ADARB2: variants seen among roughly 807,000 people sequenced by gnomAD.
ADARB2 encodes the protein adenosine deaminase RNA specific B2 (inactive).
ADARB2 carries 25 observed loss-of-function variants against 62.2 expected under a neutral mutation model. The ratio of observed to expected loss-of-function variants is 0.40; its 90% CI spans 0.29 to 0.56. The LOEUF (loss-of-function observed/expected upper bound fraction) is 0.56, where lower values mean the gene tolerates loss of function less well. Among genes scored for constraint, ADARB2 ranks in the 20% least tolerant of loss-of-function variants. The pLI is 0.43. For synonymous variants in ADARB2, 572 were observed against 500.8 expected (o/e 1.14, Z -1.90); for missense variants, 1,071 against 1,077.4 (o/e 0.99, Z 0.08).
At chr10:1,233,319 C>T (rs1179487889) in intron 6 of ADARB2, among the ~76,000 whole-genome samples, 1 of 152,170 alleles carries the variant, frequency 6.6e-6, no homozygotes. Context: ...TTTTTTCCTC[C>T]CCAACGCTGT....
chr10:1,241,783 G>T (rs943191562), intron 5 of ADARB2, among the ~76,000 whole-genome samples: 2 of 152,216 alleles, frequency 1.3e-5, no homozygotes, highest in African/African-American at 4.8e-5. Flanking sequence ...CACGTTCTCT[G>T]AGGGCAACGG....
chr10:1,554,811 C>T lies in ADARB2; in HGVS notation c.101-175651G>A, dbSNP rs529521656. Among the ~76,000 whole-genome samples, 102 of 152,134 alleles carry T rather than the reference C, an allele frequency of 6.7e-4. 2 individuals carry two copies. The South Asian group carries it at 0.018, about 26-fold the overall frequency. ...GTTGTTACCGGGGTATACTGTGTGA[C>T]GCTGAGGTTTGGGATATGAACGATC... On this transcript the variant is annotated intron_variant, in intron 1 of 9. Transcript: ENST00000381312.
At chr10:1,404,988 C>T (rs528372527) in intron 1 of ADARB2, among the ~76,000 whole-genome samples, 14 of 152,312 alleles carry the variant, frequency 9.2e-5, no homozygotes, top group African/African-American at 2.9e-4. Context: ...AATCTCAGGT[C>T]GATGCCTCCT....
intron 1 of ADARB2, among the ~76,000 whole-genome samples, chr10:1,464,415 G>A (rs1332647762): frequency 1.6e-5 from 2 of 127,582 alleles, no homozygotes; most frequent in East Asian, 2.5e-4. Context: ...CCCCACACAC[G>A]CGCGGGGGCC....
At chr10:1,596,311 A>G (rs1004244474) in intron 1 of ADARB2, among the ~76,000 whole-genome samples, 1 of 152,244 alleles carries the variant, frequency 6.6e-6, no homozygotes, top group African/African-American at 2.4e-5. Context: ...GGAAAAACCA[A>G]CAAGTTTATC....
intron 1 of ADARB2, among the ~76,000 whole-genome samples, chr10:1,446,356 C>T (rs993937766): frequency 1.3e-5 from 2 of 152,226 alleles, no homozygotes; most frequent in African/African-American, 4.8e-5. Flanking sequence ...AAAAATAGCA[C>T]CCCAGCTTTC....
At chr10:1,522,278 A>G (rs1003457751) in intron 1 of ADARB2, among the ~76,000 whole-genome samples, 4 of 152,198 alleles carry the variant, frequency 2.6e-5, no homozygotes, top group Admixed American at 1.3e-4. Flanking sequence ...AACCAGATAG[A>G]CAGGGATCAG....
At chr10:1,530,559 G>A (rs1428555382) in intron 1 of ADARB2, among the ~76,000 whole-genome samples, 3 of 152,194 alleles carry the variant, frequency 2.0e-5, no homozygotes, top group South Asian at 2.1e-4. Flanking sequence ...CTCTTCATGC[G>A]GAGCCTGAGT....
intron 1 of ADARB2, among the ~76,000 whole-genome samples, chr10:1,452,074 C>A (rs1246831642): frequency 1.3e-5 from 2 of 152,172 alleles, no homozygotes; most frequent in Non-Finnish European, 2.9e-5. Flanking sequence ...CTGCCATGCA[C>A]CCCTGCTGGT....
At chr10:1,666,881 A>C (rs139437496) in intron 1 of ADARB2, among the ~76,000 whole-genome samples, 192 of 152,356 alleles carry the variant, frequency 1.3e-3, no homozygotes, top group African/African-American at 4.4e-3. Context: ...AAGTTGACCA[A>C]GGGTTTTGTA....
At chr10:1,700,527 G>A (rs1354108324) in intron 1 of ADARB2, among the ~76,000 whole-genome samples, 1 of 2,076 alleles carries the variant, frequency 4.8e-4, no homozygotes, top group African/African-American at 5.4e-4. Flanking sequence ...CCACTCCACC[G>A]GGAGACCAGG....
chr10:1,467,202 T>A (rs190120263), intron 1 of ADARB2, among the ~76,000 whole-genome samples: 5 of 152,220 alleles, frequency 3.3e-5, no homozygotes, highest in African/African-American at 1.2e-4. Context: ...TCTTTAATAC[T>A]GTAACTGCTC....
At chr10:1,274,358 A>G (rs1831293729) in intron 3 of ADARB2, among the ~76,000 whole-genome samples, 1 of 152,250 alleles carries the variant, frequency 6.6e-6, no homozygotes, top group African/African-American at 2.4e-5. Context: ...ATTCAAGGAC[A>G]AAACTACATC....
At chr10:1,518,371 C>T (rs537113261) in intron 1 of ADARB2, among the ~76,000 whole-genome samples, 55 of 152,298 alleles carry the variant, frequency 3.6e-4, no homozygotes, top group Non-Finnish European at 7.6e-4. Context: ...TTTCCCTTCA[C>T]AACTGTACCT....
In ADARB2 at chr10:1,183,242, G is replaced by C. The variant is rs766466120; in HGVS notation, c.2171C>G (p.Thr724Ser). Reference protein sequence around the residue: ...FKAFQKAGLGTWVRKPPEQQQ... With the variant: ...FKAFQKAGLGSWVRKPPEQQQ... ...CTGCTCCGGTGGTTTCCTCACCCAG[G>C]TGCCCAGGCCAGCCTTCTGAAAGGC... The change falls in exon 10 of 10, where the codon ACC (threonine) becomes AGC (serine). Residue 724 changes from threonine to serine, a missense_variant. Thr to Ser is a moderately conservative substitution (Grantham distance 58). Coordinates refer to ENST00000381312, the MANE Select transcript of ADARB2 (RefSeq NM_018702.4). The C allele has an allele frequency of 6.2e-7, 1 of 1,613,992 alleles. No individual in the cohort carries two copies.
In ADARB2 at chr10:1,713,937, C is replaced by T. The variant is rs1032913681; in HGVS notation, c.100+23114G>A. 2.0e-5 allele frequency among the ~76,000 whole-genome samples: 3 copies of T among 152,184 alleles called. 1 individual carries two copies. Among genetic ancestry groups the T allele is most frequent in the South Asian group, 4.1e-4 (2 of 4,828 alleles). Reference sequence around the variant, plus strand: ...CCTGGGGACCCAGTGGTCTACTGAACGTGCTTCCTGGAGCTCTGAGGGCAA... The same window carrying T: ...CCTGGGGACCCAGTGGTCTACTGAATGTGCTTCCTGGAGCTCTGAGGGCAA... On this transcript the variant is annotated intron_variant, in intron 1 of 9. Coordinates refer to ENST00000381312, the MANE Select transcript of ADARB2 (RefSeq NM_018702.4).
Position 1,576,472 on chromosome 10 carries a change from C to T in ADARB2, c.100+160579G>A, listed in dbSNP as rs117391837. 8.0e-3 allele frequency among the ~76,000 whole-genome samples: 1,225 copies of T among 152,260 alleles called. 15 individuals carry two copies. The highest frequency in any genetic ancestry group is 0.044 in the Middle Eastern group (13 of 294). ...CTCCCTGCTGGACTTCCTGCAAATA[C>T]GGTAGCAGCAGTTCATGCTATGGTT... On this transcript the variant is annotated intron_variant, in intron 1 of 9. Transcript: ENST00000381312.
chr10:1,595,149 G>C (rs1833314005), intron 1 of ADARB2, among the ~76,000 whole-genome samples: 1 of 152,204 alleles, frequency 6.6e-6, no homozygotes. Context: ...ACATAGCCGA[G>C]GTTCCTCCGC....
chr10:1,187,402 C>T (rs1050215704), intron 8 of ADARB2, among the ~76,000 whole-genome samples: 3 of 152,086 alleles, frequency 2.0e-5, no homozygotes, highest in African/African-American at 7.2e-5. Flanking sequence ...CATCGCCAGG[C>T]GGCCTCCCCT....
Sources: allele counts gnomAD v4.1 joint callset (sites outside exome capture counted in the v4.1 genomes callset), GRCh38; gene constraint gnomAD v4.1.1; transcripts MANE v1.5; gene names NCBI Gene and HGNC (gene_info 2026-07-23, HGNC 2026-07-21).